SP140: variants seen among roughly 807,000 people sequenced by gnomAD.
SP140 encodes SP140 nuclear body protein.
A neutral mutation model predicts 125.0 loss-of-function variants in SP140; 81 were observed. The ratio of observed to expected loss-of-function variants is 0.65; its 90% confidence interval spans 0.54 to 0.78. The LOEUF (loss-of-function observed/expected upper bound fraction) is 0.78. Among genes scored for constraint, SP140 ranks in the 30% least tolerant of loss-of-function variants. The probability of loss-of-function intolerance (pLI) is 0.00; values close to 1 mark genes in which losing one functional copy is unlikely to be tolerated. For synonymous variants in SP140, 312 were observed against 354.0 expected (o/e 0.88, Z 1.33); for missense variants, 858 against 1,037.0 (o/e 0.83, Z 2.37).
rs139979989 is a variant in SP140 at position 230,271,686 on chromosome 2, G to A, written c.1498+1047G>A. Among the ~76,000 whole-genome samples the A allele has an allele frequency of 4.7e-3, 715 of 152,234 alleles. 6 individuals carry two copies. Among genetic ancestry groups the A allele is most frequent in the African/African-American group, 0.017 (687 of 41,538 alleles). On this transcript the variant is annotated intron_variant, in intron 15 of 26. Coordinates refer to ENST00000392045, the MANE Select transcript of SP140 (RefSeq NM_007237.5). Reference sequence around the variant, plus strand: ...GCTAATTATAGTAAAATGCAAGAGGGAAGAGGTATATTGAAGGAAGAGCTG... The same window carrying A: ...GCTAATTATAGTAAAATGCAAGAGGAAAGAGGTATATTGAAGGAAGAGCTG...
At chr2:230,316,548 A>C (rs2059485842), downstream of SP140, among the ~76,000 whole-genome samples, 1 of 152,252 alleles carries the variant, frequency 6.6e-6, no homozygotes, top group African/African-American at 2.4e-5. Flanking sequence ...ACATTGTCAC[A>C]TCAATAAATA....
intron 15 of SP140, among the ~76,000 whole-genome samples, chr2:230,281,980 G>A (rs1443092060): frequency 6.6e-6 from 1 of 152,122 alleles, no homozygotes; most frequent in African/African-American, 2.4e-5. Flanking sequence ...TGAAAAGGAT[G>A]GTGCAGAGCA....
At chr2:230,270,818 A>G (rs777805749) in intron 15 of SP140, 179 bp downstream of exon 15, 19 of 673,766 alleles carry the variant, frequency 2.8e-5, no homozygotes, top group African/African-American at 5.3e-5. Flanking sequence ...GCTATCTTAC[A>G]TGACAAAAGG....
chr2:230,218,195 A>G (rs1385086693), intron 3 of SP140, among the ~76,000 whole-genome samples: 1 of 152,262 alleles, frequency 6.6e-6, no homozygotes, highest in African/African-American at 2.4e-5. Flanking sequence ...CAGAACAAAC[A>G]TGGATTCCAC....
At chr2:230,216,971 C>G (rs368598678) in intron 3 of SP140, 1 of 1,580,596 alleles carries the variant, frequency 6.3e-7, no homozygotes, top group Non-Finnish European at 8.6e-7. Flanking sequence ...AAAGGCTGGG[C>G]GCGGTGGCTC....
the SP140 span, among the ~76,000 whole-genome samples, chr2:230,192,422 G>C: frequency 1.3e-5 from 2 of 152,118 alleles, no homozygotes; most frequent in Admixed American, 1.3e-4. Flanking sequence ...GAACTGATAA[G>C]CAACTTCAAC....
At chr2:230,297,128 G>C (rs115948385) in intron 21 of SP140, among the ~76,000 whole-genome samples, 3,365 of 152,302 alleles carry the variant, frequency 0.022, 136 homozygotes, top group African/African-American at 0.077. Context: ...GAGTAAGACA[G>C]AGAAACTATA....
intron 5 of SP140, 124 bp from the exon 6 acceptor site, chr2:230,244,864 G>A: frequency 1.6e-6 from 1 of 629,516 alleles, no homozygotes; most frequent in Non-Finnish European, 2.8e-6. Context: ...GCGGGGCTCA[G>A]GCGAGGTCCT....
At chr2:230,202,786 C>T, upstream of SP140, 1 of 1,525,638 alleles carries the variant, frequency 6.6e-7, no homozygotes, top group Admixed American at 1.7e-5. Flanking sequence ...GAGCCTCCTA[C>T]AGTCCCAATC....
chr2:230,255,567 T>A, intron 12 of SP140, 35 bp downstream of exon 12: 2 of 1,597,856 alleles, frequency 1.3e-6, no homozygotes. Context: ...GGCCCTGGGC[T>A]GCAGAGTGTC....
rs200335927 is a variant in SP140, at chr2:230,255,527, G to T, written c.1235G>T (p.Gly412Val). 52 of 1,558,680 alleles carry T rather than the reference G, an allele frequency of 3.3e-5. No homozygotes were observed. In the African/African-American group the frequency reaches 6.5e-4, roughly 19 times the overall value. The part of the protein sequence containing the change: ...QEASSSLARR[G>V]SVSSELENHP... ...GCCTCTAGCTCCCTAGCAAGACGTGGGTCAGGTAAGGACGGGGGGGGGGAT... is the reference window on the plus strand; with the variant it reads ...GCCTCTAGCTCCCTAGCAAGACGTGTGTCAGGTAAGGACGGGGGGGGGGAT... Residue 412 changes from glycine (G) to valine (V), a missense_variant, in exon 12 of 27, where the codon GGG becomes GTG. Coordinates refer to ENST00000392045, the MANE Select transcript of SP140 (RefSeq NM_007237.5).
chr2:230,254,092 GAGAGAAAAGTTA>G (rs1481397129), intron 11 of SP140, among the ~76,000 whole-genome samples: 2 of 152,192 alleles, frequency 1.3e-5, no homozygotes, highest in African/African-American at 4.8e-5. Context: ...ATAAGAGGCA[GAGAGAAAAGTTA>G]AGAGAAAATT....
At chr2:230,310,133 T>G (rs530799677) in intron 23 of SP140, 94 bp downstream of exon 23, 848 of 1,234,322 alleles carry the variant, frequency 6.9e-4, no homozygotes, top group Admixed American at 1.9e-3. Flanking sequence ...TGTGTCTAGA[T>G]GGGGAAAGAG....
rs1029370949 is a variant in SP140 at position 230,238,674 on chromosome 2, T to C, written c.406+293T>C. 8.5e-5 allele frequency: 92 copies of C among 1,087,200 alleles called. No individual in the cohort carries two copies. The African/African-American group carries it at 1.2e-3, about 14-fold the overall frequency. 67.3% of individuals were successfully genotyped at this position (1,087,200 alleles called of 1,614,324 possible). ...GTCTCTATTTTTTTGAAGGAATACA[T>C]GAGTGATGTCTTTTCATGGGAAAGG... is the stretch of plus-strand genomic sequence containing the variant. On this transcript the variant is annotated intron_variant, in intron 3 of 26. Coordinates refer to ENST00000392045, the MANE Select transcript of SP140 (RefSeq NM_007237.5).
chr2:230,188,086 G>T, the SP140 span, among the ~76,000 whole-genome samples: 2 of 152,092 alleles, frequency 1.3e-5, no homozygotes, highest in South Asian at 4.1e-4. Flanking sequence ...TGGGCAGTGT[G>T]ATCATTTTCA....
chr2:230,258,006 G>A (rs1046990227), intron 12 of SP140, among the ~76,000 whole-genome samples: 12 of 152,042 alleles, frequency 7.9e-5, no homozygotes, highest in Non-Finnish European at 1.8e-4. Flanking sequence ...ACTTTCAGAA[G>A]CATGGGGAAG....
upstream of SP140, among the ~76,000 whole-genome samples, chr2:230,224,679 T>C (rs116838700): frequency 6.8e-3 from 1,029 of 152,330 alleles, 12 homozygotes; most frequent in African/African-American, 0.023. Context: ...TGCAAACTTA[T>C]GTATGCAAAT....
intron 12 of SP140, among the ~76,000 whole-genome samples, chr2:230,257,352 A>G (rs1419361968): frequency 6.7e-6 from 1 of 148,544 alleles, no homozygotes; most frequent in Non-Finnish European, 1.5e-5. Context: ...TATATGTAGC[A>G]CATCACTGAA....
chr2:230,289,406 T>A (rs1192869037), intron 18 of SP140, among the ~76,000 whole-genome samples: 2 of 152,250 alleles, frequency 1.3e-5, no homozygotes, highest in African/African-American at 4.8e-5. Flanking sequence ...TCTTTCATTC[T>A]GTAGGTAGGC....
Sources: allele counts gnomAD v4.1 joint callset (sites outside exome capture counted in the v4.1 genomes callset), GRCh38; gene constraint gnomAD v4.1.1; transcripts MANE v1.5; gene names NCBI Gene and HGNC (gene_info 2026-07-23, HGNC 2026-07-21).